HS3ST3A1: variants seen among roughly 807,000 people sequenced by gnomAD.
HS3ST3A1 encodes the protein heparan sulfate-glucosamine 3-sulfotransferase 3A1, also known as heparan sulfate glucosamine 3-O-sulfotransferase 3A1.
In HS3ST3A1, 19 loss-of-function variants were observed where a neutral mutation model predicts 25.7. The ratio of observed to expected loss-of-function variants is 0.74; its 90% CI spans 0.52 to 1.08. The LOEUF (loss-of-function observed/expected upper bound fraction) is 1.08, where lower values mean the gene tolerates loss of function less well. Among genes scored for constraint, HS3ST3A1 ranks in the 50% least tolerant of loss-of-function variants. The pLI, the probability that HS3ST3A1 is intolerant of heterozygous loss-of-function variation, is 0.00. For synonymous variants in HS3ST3A1, 226 were observed against 278.6 expected, an observed-to-expected ratio of 0.81 and a Z score of 1.88; for missense variants, 459 against 594.3, an observed-to-expected ratio of 0.77 and a Z score of 2.37.
chr17:13,500,772 C>G (rs1171965552), intron 1 of HS3ST3A1, among the ~76,000 whole-genome samples: 1 of 152,154 alleles, frequency 6.6e-6, no homozygotes, highest in African/African-American at 2.4e-5. Context: ...AGAAATTTCA[C>G]AAGCGAATTA....
At position 13,598,988 on chromosome 17, in the gene HS3ST3A1, G is replaced by A. The variant is rs776031527; in HGVS notation, c.599+1543C>T. 2.3e-4 allele frequency among the ~76,000 whole-genome samples: 35 copies of A among 152,120 alleles called. 1 individual carries two copies. Among genetic ancestry groups the A allele is most frequent in the Non-Finnish European group, 7.4e-5 (5 of 68,020 alleles). ...TTCGCTTACAGCACAGTACGAGGCC[G>A]AATTCAATGCAAACTGCTATAGATA... On this transcript the variant is annotated intron_variant, in intron 1 of 1. Coordinates refer to ENST00000284110, the MANE Select transcript of HS3ST3A1 (RefSeq NM_006042.3).
chr17:13,576,409 C>T (rs1434110575), intron 1 of HS3ST3A1, among the ~76,000 whole-genome samples: 3 of 152,242 alleles, frequency 2.0e-5, no homozygotes, highest in Non-Finnish European at 4.4e-5. Context: ...GCGCTGCTCA[C>T]AAAACATGGC....
intron 1 of HS3ST3A1, among the ~76,000 whole-genome samples, chr17:13,575,860 A>C (rs1456068675): frequency 6.6e-6 from 1 of 152,222 alleles, no homozygotes; most frequent in Non-Finnish European, 1.5e-5. Context: ...TGCCATGGAA[A>C]AGATTTACCC....
intron 1 of HS3ST3A1, among the ~76,000 whole-genome samples, chr17:13,587,899 A>G (rs1908318151): frequency 6.6e-6 from 1 of 152,188 alleles, no homozygotes; most frequent in Non-Finnish European, 1.5e-5. Context: ...GCATGACCTA[A>G]TCCCATTCCC....
chr17:13,506,026 C>CAAA (rs35525593), intron 1 of HS3ST3A1, among the ~76,000 whole-genome samples: 1,484 of 66,870 alleles, frequency 0.022, 37 homozygotes, highest in African/African-American at 0.078. Flanking sequence ...GACTTCATCT[C>CAAA]AAAAAAAAAA....
Position 13,600,782 on chromosome 17 carries a change from C to A in HS3ST3A1, c.348G>T (p.Glu116Asp), listed in dbSNP as rs573090724. 10 of 1,451,250 alleles carry A rather than the reference C, an allele frequency of 6.9e-6. No homozygotes were observed. In the African/African-American group the frequency reaches 1.3e-4, roughly 20 times the overall value. 89.9% of individuals were successfully genotyped at this position (1,451,250 alleles called of 1,614,324 possible). The change falls in exon 1 of 2, where the codon GAG (glutamate) becomes GAT (aspartate). Residue 116 changes from glutamate (E) to aspartate (D), a missense_variant. By Grantham distance (45) the Glu-to-Asp change is conservative. This residue lies in a region of HS3ST3A1 where 346 missense variants were observed against 303.9 expected (regional missense o/e 1.14). Transcript: ENST00000284110. ...CCGGACCCCCTGACAGGCCAGGGGA[C>A]TCTTCTTCCCAGGCCGCCTCCTCGC... ...DDGEEAAWEE[E>D]SPGLSGGPGG... is the part of the protein sequence containing the mutation.
At position 13,554,021 on chromosome 17, in the gene HS3ST3A1, G is replaced by A. The variant is rs116152458; in HGVS notation, c.599+46510C>T. Among the ~76,000 whole-genome samples the A allele has an allele frequency of 5.8e-3, 890 of 152,274 alleles. 11 individuals carry two copies. Among genetic ancestry groups the A allele is most frequent in the African/African-American group, 0.02 (838 of 41,544 alleles). ...TCTGCAAGGAAAATTAGACACAAAG[G>A]TAAGGGAGTGATGCCACTGATATCA... On this transcript the variant is annotated intron_variant, in intron 1 of 1. Coordinates refer to ENST00000284110, the MANE Select transcript of HS3ST3A1 (RefSeq NM_006042.3).
intron 1 of HS3ST3A1, among the ~76,000 whole-genome samples, chr17:13,548,335 T>C (rs1907144165): frequency 6.6e-6 from 1 of 152,164 alleles, no homozygotes. Context: ...CCCTGGTCTC[T>C]TCTTTTAATA....
chr17:13,591,086 A>G (rs1413413743), intron 1 of HS3ST3A1, among the ~76,000 whole-genome samples: 1 of 144,092 alleles, frequency 6.9e-6, no homozygotes, highest in African/African-American at 2.7e-5. Context: ...TCACTCTGTC[A>G]GCCAGACTGG....
chr17:13,520,584 G>C (rs1906198613), intron 1 of HS3ST3A1, among the ~76,000 whole-genome samples: 1 of 151,924 alleles, frequency 6.6e-6, no homozygotes, highest in Admixed American at 6.6e-5. Flanking sequence ...CAATGCTGAA[G>C]AATATGCAAA....
In HS3ST3A1 at chr17:13,556,849, C is replaced by CT. The variant is rs200647450; in HGVS notation, c.599+43681dup. 2.8e-4 allele frequency among the ~76,000 whole-genome samples: 26 copies of CT among 93,756 alleles called. No homozygotes were observed. In the East Asian group the frequency reaches 3.2e-3, roughly 12 times the overall value. 61.5% of individuals were successfully genotyped at this position (93,756 alleles called of 152,430 possible). On this transcript the variant is annotated intron_variant, in intron 1 of 1. Transcript: ENST00000284110. ...CCTGGGCGAAAGAGCGAAACTCCGC[C>CT]TAAAAAAAAAAAAAAAAGCAAGATG...
chr17:13,600,900 T>A lies in HS3ST3A1; in HGVS notation c.230A>T (p.Glu77Val). ...TGCCGCCGCCGGCCACACCGCCAGCTCCCTCGGGCCTCCGGCCAGGACGCC... is the reference window on the plus strand; with the variant it reads ...TGCCGCCGCCGGCCACACCGCCAGCACCCTCGGGCCTCCGGCCAGGACGCC... ...GGGVLAGGPR[E>V]LAVWPAAAQR... Residue 77 changes from glutamate to valine, a missense_variant, in exon 1 of 2, where the codon GAG (glutamate) becomes GTG (valine). Coordinates refer to ENST00000284110, the MANE Select transcript of HS3ST3A1 (RefSeq NM_006042.3). The A allele has an allele frequency of 6.6e-7, 1 of 1,508,354 alleles. No homozygotes were observed. The highest frequency in any genetic ancestry group is 8.8e-7 in the Non-Finnish European group (1 of 1,132,236). The allele number at this position is 1,508,354 out of a possible 1,614,324, so 93.4% of individuals were successfully genotyped here.
chr17:13,539,800 C>T (rs1487724721), intron 1 of HS3ST3A1, among the ~76,000 whole-genome samples: 1 of 152,184 alleles, frequency 6.6e-6, no homozygotes, highest in Non-Finnish European at 1.5e-5. Context: ...CATGATTTGT[C>T]GTTGAGCTTC....
chr17:13,539,257 C>T (rs1254706068), intron 1 of HS3ST3A1, among the ~76,000 whole-genome samples: 1 of 152,094 alleles, frequency 6.6e-6, no homozygotes, highest in Non-Finnish European at 1.5e-5. Flanking sequence ...GTAGCTGATG[C>T]AAATCCCAAG....
chr17:13,541,847 A>C (rs945982276), intron 1 of HS3ST3A1, among the ~76,000 whole-genome samples: 2 of 152,298 alleles, frequency 1.3e-5, no homozygotes, highest in Admixed American at 1.3e-4. Context: ...ACCTCTTTCA[A>C]CTGTGAACAA....
intron 1 of HS3ST3A1, among the ~76,000 whole-genome samples, chr17:13,575,949 C>G (rs930668644): frequency 6.6e-6 from 1 of 152,224 alleles, no homozygotes; most frequent in Non-Finnish European, 1.5e-5. Context: ...GATCTCCACA[C>G]TAGTAGCATC....
At chr17:13,539,107 C>T (rs1906852948) in intron 1 of HS3ST3A1, among the ~76,000 whole-genome samples, 1 of 152,152 alleles carries the variant, frequency 6.6e-6, no homozygotes, top group South Asian at 2.1e-4. Flanking sequence ...GATCTGGGAG[C>T]TGTCTGGGCC....
chr17:13,497,652 C>T lies in HS3ST3A1; in HGVS notation c.600-834G>A, dbSNP rs189469686. Among the ~76,000 whole-genome samples the T allele has an allele frequency of 3.6e-3, 551 of 152,318 alleles. 7 individuals are homozygous for T. Among genetic ancestry groups the T allele is most frequent in the Non-Finnish European group, 3.8e-3 (260 of 68,030 alleles). ...GGCTTTCTACTGGCCTCAGTCAGGG[C>T]CAGTCAAAACACATGAACAGGAGAG... On this transcript the variant is annotated intron_variant, in intron 1 of 1. Transcript: ENST00000284110.
chr17:13,514,729 A>G (rs921216785), intron 1 of HS3ST3A1, among the ~76,000 whole-genome samples: 1 of 152,168 alleles, frequency 6.6e-6, no homozygotes, highest in Admixed American at 6.5e-5. Context: ...AGACGAGGAG[A>G]GGGTAAGACT....
Sources: allele counts gnomAD v4.1 joint callset (sites outside exome capture counted in the v4.1 genomes callset), GRCh38; gene constraint gnomAD v4.1.1; regional missense constraint gnomAD v4.1.1; transcripts MANE v1.5; gene names NCBI Gene and HGNC (gene_info 2026-07-23, HGNC 2026-07-21).